FAM3C: variants seen among roughly 807,000 people sequenced by gnomAD.
FAM3C encodes protein FAM3C.
Under a neutral mutation model 32.5 loss-of-function variants are expected in FAM3C, and 15 were observed. The ratio of observed to expected loss-of-function variants is 0.46; its 90% CI spans 0.31 to 0.71. The LOEUF is 0.71. Among genes scored for constraint, FAM3C ranks in the 30% least tolerant of loss-of-function variants. The pLI is 0.05. For missense variants in FAM3C, 175 were observed against 274.4 expected (o/e 0.64, Z 2.56); for synonymous variants, 75 against 86.1 (o/e 0.87, Z 0.72).
In FAM3C at chr7:121,360,121, G is replaced by A. The variant is rs1258181682; in HGVS notation, c.389C>T (p.Ala130Val). Residue 130 changes from alanine to valine, a missense_variant, in exon 8 of 10, where the codon GCA becomes GTA. Coordinates refer to ENST00000359943, the MANE Select transcript of FAM3C (RefSeq NM_014888.3). ...KYFDMWGGDV[A>V]PFIEFLKAIQ... Reference sequence around the variant, plus strand: ...GGCCTTCAGAAACTCAATAAATGGTGCCACATCTGAAGAAAAAGAAAGGGT... The same window carrying A: ...GGCCTTCAGAAACTCAATAAATGGTACCACATCTGAAGAAAAAGAAAGGGT... The A allele has an allele frequency of 6.3e-7, 1 of 1,578,752 alleles. No homozygotes were observed. The highest frequency in any genetic ancestry group is 8.7e-7 in the Non-Finnish European group (1 of 1,148,800).
chr7:121,356,596 C>T (rs990658916), intron 8 of FAM3C, among the ~76,000 whole-genome samples: 6 of 152,148 alleles, frequency 3.9e-5, no homozygotes, highest in Non-Finnish European at 5.9e-5. Context: ...GGTACTGGCA[C>T]ATTAAGTAGG....
intron 3 of FAM3C, 93 bp from the exon 4 acceptor site, chr7:121,372,232 C>A: frequency 1.3e-6 from 1 of 781,990 alleles, no homozygotes; most frequent in South Asian, 1.6e-5. Context: ...AATAAGTGTT[C>A]AAATAATGAT....
intron 3 of FAM3C, among the ~76,000 whole-genome samples, chr7:121,374,119 T>C (rs980867172): frequency 1.3e-5 from 2 of 152,226 alleles, no homozygotes; most frequent in Non-Finnish European, 2.9e-5. Context: ...AACACTACAT[T>C]ACACCACAAT....
chr7:121,381,656 C>CCA (rs67277678), intron 2 of FAM3C, among the ~76,000 whole-genome samples: 12,866 of 142,158 alleles, frequency 0.091, 738 homozygotes, highest in African/African-American at 0.17. Context: ...CAAAGAACAT[C>CCA]CACACACACA....
chr7:121,368,912 C>T (rs1294881602), intron 5 of FAM3C, among the ~76,000 whole-genome samples: 1 of 151,864 alleles, frequency 6.6e-6, no homozygotes. Flanking sequence ...ACTCATCACA[C>T]CCTGCTGCCC....
chr7:121,396,314 G>C (rs1473439152), upstream of FAM3C: 1 of 152,196 alleles, frequency 6.6e-6, no homozygotes, highest in African/African-American at 2.4e-5. Flanking sequence ...CAAGTGGCCA[G>C]GAGAAAGCCA....
intron 1 of FAM3C, among the ~76,000 whole-genome samples, chr7:121,392,357 AC>A (rs967899795): frequency 1.3e-5 from 2 of 152,156 alleles, no homozygotes; most frequent in African/African-American, 4.8e-5. Flanking sequence ...GGAAACAGAC[AC>A]CTTTTTCACA....
chr7:121,390,825 CCACA>C (rs1478277712), intron 1 of FAM3C, among the ~76,000 whole-genome samples: 1 of 110,098 alleles, frequency 9.1e-6, no homozygotes, highest in East Asian at 2.5e-4. Context: ...GCACACCAAT[CCACA>C]CACACAGGAA....
chr7:121,377,727 C>G (rs1584702914), intron 3 of FAM3C, among the ~76,000 whole-genome samples: 1 of 152,122 alleles, frequency 6.6e-6, no homozygotes, highest in Admixed American at 6.5e-5. Context: ...TTTTACTGTA[C>G]CTTTTCCAAG....
At chr7:121,355,205 A>C (rs960903349) in intron 8 of FAM3C, among the ~76,000 whole-genome samples, 4 of 152,204 alleles carry the variant, frequency 2.6e-5, no homozygotes, top group Non-Finnish European at 5.9e-5. Flanking sequence ...ATAGTAGCTC[A>C]AGAAGTCCAT....
chr7:121,391,184 A>G (rs899955801), intron 1 of FAM3C, among the ~76,000 whole-genome samples: 2 of 152,204 alleles, frequency 1.3e-5, no homozygotes, highest in Non-Finnish European at 2.9e-5. Flanking sequence ...TTCTGCAACC[A>G]AGACCACAAA....
chr7:121,377,392 T>C (rs139330013), intron 3 of FAM3C, among the ~76,000 whole-genome samples: 158 of 152,328 alleles, frequency 1.0e-3, no homozygotes, highest in African/African-American at 3.7e-3. Flanking sequence ...AAACATGAAT[T>C]TATGGAAAGC....
At chr7:121,358,215 A>G (rs1023163189) in intron 8 of FAM3C, among the ~76,000 whole-genome samples, 1 of 152,140 alleles carries the variant, frequency 6.6e-6, no homozygotes, top group African/African-American at 2.4e-5. Flanking sequence ...CCATTTATAA[A>G]GTATCACTGT....
chr7:121,369,847 A>G (rs181440996), intron 5 of FAM3C, among the ~76,000 whole-genome samples: 43 of 152,340 alleles, frequency 2.8e-4, no homozygotes, highest in Non-Finnish European at 5.3e-4. Flanking sequence ...AGAGAAGTGA[A>G]TAAGGGTCAG....
intron 1 of FAM3C, among the ~76,000 whole-genome samples, chr7:121,389,962 T>C (rs766438390): frequency 3.9e-5 from 6 of 152,176 alleles, no homozygotes; most frequent in African/African-American, 1.2e-4. Flanking sequence ...CACCCCCATA[T>C]ACACCTAAGT....
intron 3 of FAM3C, among the ~76,000 whole-genome samples, chr7:121,375,267 A>G (rs1171047913): frequency 1.3e-5 from 2 of 152,234 alleles, no homozygotes; most frequent in Non-Finnish European, 2.9e-5. Flanking sequence ...AAAGTTCTAA[A>G]AAATGAGAAA....
rs777645497 is a variant in FAM3C, at chr7:121,372,153, A to G, written c.119-14T>C. 1 of 1,592,646 alleles carries G rather than the reference A, an allele frequency of 6.3e-7. No homozygotes were observed. The highest frequency in any genetic ancestry group is 8.6e-7 in the Non-Finnish European group (1 of 1,163,114). ...ATGCTGATCTTGCTGAAAAAAAAAA[A>G]TTACTTTTGTTAGAAGGAATGAGTC... On this transcript the variant is annotated splice_polypyrimidine_tract_variant and intron_variant, in intron 3 of 9. Transcript: ENST00000359943.
intron 5 of FAM3C, among the ~76,000 whole-genome samples, chr7:121,367,922 C>T (rs1399439224): frequency 2.0e-5 from 3 of 151,626 alleles, no homozygotes; most frequent in Admixed American, 1.3e-4. Flanking sequence ...CCTAAAATTG[C>T]GTCACTGTAC....
intron 3 of FAM3C, among the ~76,000 whole-genome samples, chr7:121,376,812 T>C (rs1428694091): frequency 6.6e-6 from 1 of 152,144 alleles, no homozygotes; most frequent in Non-Finnish European, 1.5e-5. Flanking sequence ...CAGTATGCAG[T>C]CCATGGACAG....
Sources: gnomAD v4.1 joint callset for allele counts (sites outside exome capture counted in the v4.1 genomes callset) on GRCh38, gnomAD v4.1.1 for gene constraint, MANE v1.5 for transcripts, NCBI Gene and HGNC (gene_info 2026-07-23, HGNC 2026-07-21) for gene names.